The following FHIP2B variants were observed in gnomAD, a reference collection of about 807,000 sequenced individuals.
FHIP2B encodes the protein FHF complex subunit HOOK-interacting protein 2B.
A neutral mutation model predicts 84.0 loss-of-function variants in FHIP2B; 72 were observed. The observed-to-expected ratio is 0.86, with a 90% CI of 0.71 to 1.04. The LOEUF is 1.04. Among genes scored for constraint, FHIP2B ranks in the 50% least tolerant of loss-of-function variants. The pLI is 0.00. For synonymous variants in FHIP2B, 497 were observed against 418.7 expected (o/e 1.19, Z -2.28); for missense variants, 972 against 968.9 (o/e 1.00, Z -0.04).
At chr8:22,091,633 C>T (rs1489609525) in intron 1 of FHIP2B, among the ~76,000 whole-genome samples, 13 of 152,158 alleles carry the variant, frequency 8.5e-5, no homozygotes, top group Admixed American at 8.5e-4. Context: ...AGGTAAAGAT[C>T]ACACACCTGT....
Position 22,103,677 on chromosome 8 carries a change from A to G in FHIP2B, c.*746A>G, listed in dbSNP as rs1382719780. On this transcript the variant is annotated 3_prime_UTR_variant, in exon 17 of 17. Transcript: ENST00000289921. ...CTTCTGAACCCGTCTCAGCAGGTCC[A>G]CAGCACCTGGGCAGAGGTCAGAGAC... 2 of 152,320 alleles carry G rather than the reference A, an allele frequency of 1.3e-5. No individual in the cohort carries two copies. The highest frequency in any genetic ancestry group is 2.9e-5 in the Non-Finnish European group (2 of 68,114). The allele number at this position is 152,320 out of a possible 1,614,324, so 9.4% of individuals were successfully genotyped here.
rs1825860918 is a variant in FHIP2B at position 22,097,798 on chromosome 8, A to G, written c.484A>G (p.Lys162Glu). Residue 162 changes from lysine to glutamate, a missense_variant, in exon 5 of 17, where the codon AAG (lysine) becomes GAG (glutamate). Lys to Glu is a moderately conservative substitution (Grantham distance 56, BLOSUM62 1). Transcript: ENST00000289921. ...GCAGTTCACCACCGTCCTCTGCTCC[A>G]AGATCCAGCAGGACCCAGAGCTGCT... The part of the protein sequence containing the change: ...EVQFTTVLCS[K>E]IQQDPELLAY... The G allele has an allele frequency of 6.2e-7, 1 of 1,613,548 alleles. No homozygotes were observed. The highest frequency in any genetic ancestry group is 1.7e-5 in the Admixed American group (1 of 60,006).
In FHIP2B at chr8:22,101,422, C is replaced by G. The variant is rs1391749644; in HGVS notation, c.1617-18C>G. On this transcript the variant is annotated intron_variant, in intron 12 of 16. Coordinates refer to ENST00000289921, the MANE Select transcript of FHIP2B (RefSeq NM_022749.7). ...AGGGTGAGCCGGGAGCGCCTCCACA[C>G]CGGCTTCTATCTCTCAGTTTCCTGT... The G allele has an allele frequency of 1.9e-6, 3 of 1,593,372 alleles. No homozygotes were observed. Among genetic ancestry groups the G allele is most frequent in the Non-Finnish European group, 2.6e-6 (3 of 1,168,482 alleles).
intron 10 of FHIP2B, 120 bp from the exon 11 acceptor site, chr8:22,100,474 T>C: frequency 8.7e-7 from 1 of 1,148,870 alleles, no homozygotes; most frequent in Non-Finnish European, 1.1e-6. Flanking sequence ...CACCTTAGCA[T>C]CCAGCCAAGG....
chr8:22,102,476 GACTC>G, intron 15 of FHIP2B, 48 bp from the exon 16 acceptor site: 2 of 1,538,506 alleles, frequency 1.3e-6, no homozygotes, highest in Non-Finnish European at 8.8e-7. Context: ...AGGGCCAGGG[GACTC>G]ACTGGTGTTG....
At position 22,089,200 on chromosome 8, in the gene FHIP2B, C is replaced by A; in HGVS notation, c.-54C>A. ...CGGGGCCACGGGGCTGCCTCCTCCG[C>A]CTAGAGCGCTGCCGCCGCCGCTTTC... On this transcript the variant is annotated 5_prime_UTR_variant, in exon 1 of 17. Coordinates refer to ENST00000289921, the MANE Select transcript of FHIP2B (RefSeq NM_022749.7). 2.9e-6 allele frequency: 3 copies of A among 1,045,752 alleles called. No homozygotes were observed. The highest frequency in any genetic ancestry group is 3.5e-6 in the Non-Finnish European group (3 of 867,510). 64.8% of individuals were successfully genotyped at this position (1,045,752 alleles called of 1,614,324 possible). A position where few individuals can be genotyped will look rare whatever the true frequency, so the allele number is the denominator to read the frequency against.
In FHIP2B at chr8:22,098,109, C is replaced by T; in HGVS notation, c.567C>T (p.Pro189=). 6.3e-7 allele frequency: 1 copy of T among 1,589,092 alleles called. No individual in the cohort carries two copies. The highest frequency in any genetic ancestry group is 8.6e-7 in the Non-Finnish European group (1 of 1,168,098). The change falls in exon 6 of 17, where the codon CCC becomes CCT. Residue 189 remains proline (P), a synonymous_variant. Coordinates refer to ENST00000289921, the MANE Select transcript of FHIP2B (RefSeq NM_022749.7). ...IVGRKKACGE[P]TALPKDTTSH... ...GTAGGAAGAAAGCATGCGGAGAACC[C>T]ACTGCCCTGCCTAAGGACACAACCA...
At position 22,101,871 on chromosome 8, in the gene FHIP2B, C is replaced by G. The variant is rs756491395; in HGVS notation, c.1851+20C>G. ...GATCAGGTAGCTAGTGGGCCTGGGC[C>G]AGGAGAACTCCAGGCTGGTGCCTCT... On this transcript the variant is annotated intron_variant, in intron 14 of 16. Transcript: ENST00000289921. 6.2e-7 allele frequency: 1 copy of G among 1,611,326 alleles called. No homozygotes were observed. The highest frequency in any genetic ancestry group is 8.5e-7 in the Non-Finnish European group (1 of 1,178,948).
Position 22,103,081 on chromosome 8 carries a change from T to A in FHIP2B, c.*150T>A. Reference sequence around the variant, plus strand: ...CTGCGGCATGTTGACCACACCAGACTGGGTTTCAGGGAATGGGCATGCCAG... The same window carrying A: ...CTGCGGCATGTTGACCACACCAGACAGGGTTTCAGGGAATGGGCATGCCAG... On this transcript the variant is annotated 3_prime_UTR_variant, in exon 17 of 17. Coordinates refer to ENST00000289921, the MANE Select transcript of FHIP2B (RefSeq NM_022749.7). 1 of 1,065,790 alleles carries A rather than the reference T, an allele frequency of 9.4e-7. No homozygotes were observed. The highest frequency in any genetic ancestry group is 1.3e-6 in the Non-Finnish European group (1 of 760,640). The allele number at this position is 1,065,790 out of a possible 1,614,324, so 66.0% of individuals were successfully genotyped here.
chr8:22,093,515 G>T (rs1157083441), intron 1 of FHIP2B, among the ~76,000 whole-genome samples: 4 of 152,072 alleles, frequency 2.6e-5, no homozygotes, highest in Non-Finnish European at 5.9e-5. Context: ...AACGAGAACA[G>T]CACTGGCTGA....
intron 3 of FHIP2B, 25 bp downstream of exon 3, chr8:22,096,534 C>G (rs1410794408): frequency 1.3e-6 from 2 of 1,492,504 alleles, no homozygotes; most frequent in Admixed American, 2.2e-5. Flanking sequence ...GCGCGCTGGG[C>G]CAGGCCGAGG....
intron 5 of FHIP2B, 47 bp downstream of exon 5, chr8:22,097,886 G>C: frequency 6.3e-7 from 1 of 1,598,382 alleles, no homozygotes; most frequent in South Asian, 1.1e-5. Flanking sequence ...CAGAACCCCA[G>C]GGCAAGCCCC....
At chr8:22,089,714 T>G in intron 1 of FHIP2B, 2 of 1,212,518 alleles carry the variant, frequency 1.6e-6, no homozygotes, top group Non-Finnish European at 1.1e-6. Flanking sequence ...CCGCCTCGCC[T>G]GGGCTTGAAA....
chr8:22,101,722 C>T lies in FHIP2B; in HGVS notation c.1722C>T (p.Ser574=), dbSNP rs1826127309. 1 of 1,612,096 alleles carries T rather than the reference C, an allele frequency of 6.2e-7. No individual in the cohort carries two copies. Among genetic ancestry groups the T allele is most frequent in the Non-Finnish European group, 8.5e-7 (1 of 1,179,144 alleles). ...HDAYGLFQEC[S]SRVASWGWPL... ...GCCTGTCTCAGTTCCAGGAGTGCAG[C>T]TCCCGCGTCGCCTCCTGGGGCTGGC... Residue 574 remains serine (S), a synonymous_variant, in exon 14 of 17, where the codon AGC becomes AGT. Coordinates refer to ENST00000289921, the MANE Select transcript of FHIP2B (RefSeq NM_022749.7).
intron 11 of FHIP2B, 52 bp from the exon 12 acceptor site, chr8:22,100,792 C>G: frequency 6.2e-7 from 1 of 1,612,382 alleles, no homozygotes; most frequent in Non-Finnish European, 8.5e-7. Context: ...CACTCGCACG[C>G]TCACTCTGTC....
Position 22,089,268 on chromosome 8 carries a change from C to T in FHIP2B, c.15C>T (p.Leu5=). ...CGGGCGCCATCATGCTGAGCCGGCT[C>T]GGGGCGCTGCTGCAGGAAGCCGTGG... MLSR[L]GALLQEAVGA... is the part of the protein sequence containing the mutation. The change falls in exon 1 of 17, where the codon CTC becomes CTT. Residue 5 remains leucine, a synonymous_variant. Coordinates refer to ENST00000289921, the MANE Select transcript of FHIP2B (RefSeq NM_022749.7). 2 of 1,051,058 alleles carry T rather than the reference C, an allele frequency of 1.9e-6. No homozygotes were observed. Among genetic ancestry groups the T allele is most frequent in the Non-Finnish European group, 2.3e-6 (2 of 873,974 alleles). 65.1% of individuals were successfully genotyped at this position (1,051,058 alleles called of 1,614,324 possible).
chr8:22,102,963 C>T lies in FHIP2B; in HGVS notation c.*32C>T, dbSNP rs376740389. 6.2e-7 allele frequency: 1 copy of T among 1,603,996 alleles called. No individual in the cohort carries two copies. ...ACCAGGGCGGTGGGAGACTCCTGTC[C>T]ACACCTCTGCCCCAGAGCTGCCTCC... On this transcript the variant is annotated 3_prime_UTR_variant, in exon 17 of 17. Coordinates refer to ENST00000289921, the MANE Select transcript of FHIP2B (RefSeq NM_022749.7).
chr8:22,099,452 C>A, intron 9 of FHIP2B, 92 bp downstream of exon 9: 1 of 1,357,088 alleles, frequency 7.4e-7, no homozygotes, highest in Non-Finnish European at 1.0e-6. Flanking sequence ...CAGACACCTT[C>A]TTGACCAGAA....
chr8:22,100,249 T>C, intron 10 of FHIP2B: 1 of 370,894 alleles, frequency 2.7e-6, no homozygotes. Flanking sequence ...TTTTACAGTA[T>C]TTTATATTTT....
Sources: gnomAD v4.1 joint callset for allele counts (sites outside exome capture counted in the v4.1 genomes callset) on GRCh38, gnomAD v4.1.1 for gene constraint, MANE v1.5 for transcripts, NCBI Gene and HGNC (gene_info 2026-07-23, HGNC 2026-07-21) for gene names.